ZNF676: variants seen among roughly 807,000 people sequenced by gnomAD.
The protein encoded by ZNF676 is zinc finger protein 676.
ZNF676 carries 4 observed loss-of-function variants against 6.0 expected under a neutral mutation model. The observed-to-expected ratio is 0.67, with a 90% confidence interval of 0.33 to 1.53. ZNF676 has a LOEUF of 1.53. ZNF676 is among the 40% of genes most tolerant of loss of function. ZNF676 has a pLI of 0.06. For synonymous variants in ZNF676, 198 were observed against 223.1 expected (o/e 0.89, Z 1.00); for missense variants, 644 against 679.7 (o/e 0.95, Z 0.58).
upstream of ZNF676, among the ~76,000 whole-genome samples, chr19:22,197,279 T>C (rs945796213): frequency 1.3e-5 from 2 of 150,888 alleles, no homozygotes; most frequent in African/African-American, 4.9e-5. Flanking sequence ...CCAAGATTCA[T>C]TGCACTCTAG....
chr19:22,182,563 C>A (rs1169313271), intron 2 of ZNF676, among the ~76,000 whole-genome samples: 2 of 51,188 alleles, frequency 3.9e-5, no homozygotes, highest in East Asian at 6.2e-4. Flanking sequence ...TAGAAGAGAA[C>A]AGTGTGATAT....
chr19:22,206,815 T>A (rs2024081054), intron 1 of ZNF676, among the ~76,000 whole-genome samples: 1 of 152,200 alleles, frequency 6.6e-6, no homozygotes, highest in Non-Finnish European at 1.5e-5. Flanking sequence ...TAAATGTGAT[T>A]CATCACATAA....
rs372760979 is a variant in ZNF676 at position 22,215,497 on chromosome 19, G to A, written c.3+135C>T. 2.5e-3 allele frequency: 2,508 copies of A among 1,007,520 alleles called. 16 individuals carry two copies. The highest frequency in any genetic ancestry group is 0.013 in the South Asian group (887 of 70,448). 62.4% of individuals were successfully genotyped at this position (1,007,520 alleles called of 1,614,324 possible). On this transcript the variant is annotated intron_variant, in intron 1 of 3. Coordinates refer to the ZNF676 transcript ENST00000650058. ...CGCAGCCGCCATCTTATGGCTGAAGGGGACTGAGGTCGAGCTAGGCAAGGA... is the reference window on the plus strand; with the variant it reads ...CGCAGCCGCCATCTTATGGCTGAAGAGGACTGAGGTCGAGCTAGGCAAGGA...
At chr19:22,183,825 T>C (rs1308463999) in intron 2 of ZNF676, among the ~76,000 whole-genome samples, 1 of 152,140 alleles carries the variant, frequency 6.6e-6, no homozygotes, top group Non-Finnish European at 1.5e-5. Context: ...AGACTCATAT[T>C]TTATAAAATG....
chr19:22,253,807 G>C, the ZNF676 span, among the ~76,000 whole-genome samples: 1 of 151,950 alleles, frequency 6.6e-6, no homozygotes, highest in Non-Finnish European at 1.5e-5. Flanking sequence ...AACAGTTGGT[G>C]GTATGTGCAT....
the ZNF676 span, among the ~76,000 whole-genome samples, chr19:22,232,960 GA>G: frequency 2.3e-3 from 355 of 152,168 alleles, 2 homozygotes; most frequent in African/African-American, 8.2e-3. Context: ...GGAATCTAAT[GA>G]GACAATAAAA....
In ZNF676 at chr19:22,181,708, G is replaced by T. The variant is rs1245126526; in HGVS notation, c.131-122C>A. ...CAAGACGACATTGCAATATGACACA[G>T]GCCCTAATTCTTCATAGATATATAA... On this transcript the variant is annotated intron_variant, in intron 2 of 2. Coordinates refer to ENST00000397121, the MANE Select transcript of ZNF676 (RefSeq NM_001001411.3). 5 of 692,398 alleles carry T rather than the reference G, an allele frequency of 7.2e-6. No homozygotes were observed. In the East Asian group the frequency reaches 1.1e-4, roughly 15 times the overall value. 42.9% of individuals were successfully genotyped at this position (692,398 alleles called of 1,614,324 possible).
At chr19:22,219,930 C>T (rs2024230765), upstream of ZNF676, among the ~76,000 whole-genome samples, 1 of 152,174 alleles carries the variant, frequency 6.6e-6, no homozygotes, top group Admixed American at 6.6e-5. Context: ...GCTGGGATTA[C>T]AGGCATGAGC....
At chr19:22,184,140 A>G (rs1233211145) in intron 2 of ZNF676, among the ~76,000 whole-genome samples, 2 of 152,172 alleles carry the variant, frequency 1.3e-5, no homozygotes, top group African/African-American at 4.8e-5. Flanking sequence ...TGGTTTCTGC[A>G]TTTCCAACTG....
chr19:22,252,168 G>GT, the ZNF676 span, among the ~76,000 whole-genome samples: 4 of 152,116 alleles, frequency 2.6e-5, no homozygotes, highest in Non-Finnish European at 5.9e-5. Flanking sequence ...GCCAAAGCAG[G>GT]TGGATTGCCT....
At chr19:22,211,181 AGACACT>A (rs1400220998) in intron 1 of ZNF676, among the ~76,000 whole-genome samples, 20 of 151,934 alleles carry the variant, frequency 1.3e-4, no homozygotes, top group Non-Finnish European at 2.9e-5. Context: ...ATCTTCAATA[AGACACT>A]CCCAAACCCC....
rs568421167 is a variant in ZNF676 at position 22,180,670 on chromosome 19, G to A, written c.1047C>T (p.Ser349=). 43 of 1,610,998 alleles carry A rather than the reference G, an allele frequency of 2.7e-5. No individual in the cohort carries two copies. The highest frequency in any genetic ancestry group is 2.5e-4 in the Admixed American group (15 of 59,788). The part of the protein sequence containing the change: ...CEECGKAFNR[S]SILTKHKIIH... ...TAATCTTATGTTTAGTAAGGATTGAGGATCGATTAAAAGCTTTCCCGCATT... is the reference window on the plus strand; with the variant it reads ...TAATCTTATGTTTAGTAAGGATTGAAGATCGATTAAAAGCTTTCCCGCATT... The change falls in exon 3 of 3, where the codon TCC becomes TCT. Residue 349 remains serine (S), a synonymous_variant. Transcript: ENST00000397121.
At chr19:22,215,790 C>T, upstream of ZNF676, 2 of 759,984 alleles carry the variant, frequency 2.6e-6, no homozygotes, top group South Asian at 1.8e-5. Flanking sequence ...TCCCGGAAGC[C>T]GACCTGTCCC....
exon 1 of ZNF676, chr19:22,215,677 C>T (rs899100277): frequency 1.2e-6 from 2 of 1,605,616 alleles, no homozygotes; most frequent in Non-Finnish European, 1.7e-6. Flanking sequence ...TTGTGGATCT[C>T]CCAATACCTG....
chr19:22,182,137 G>A (rs2023764430), intron 2 of ZNF676, among the ~76,000 whole-genome samples: 3 of 151,866 alleles, frequency 2.0e-5, no homozygotes, highest in Admixed American at 2.0e-4. Context: ...AGAGAGTACA[G>A]GTGTACCAAG....
chr19:22,250,865 C>A, the ZNF676 span, among the ~76,000 whole-genome samples: 4 of 152,124 alleles, frequency 2.6e-5, no homozygotes, highest in Admixed American at 2.0e-4. Context: ...GTGCATGCCA[C>A]GACACCCAGC....
the ZNF676 span, among the ~76,000 whole-genome samples, chr19:22,236,032 C>T: frequency 6.6e-6 from 1 of 151,204 alleles, no homozygotes; most frequent in African/African-American, 2.4e-5. Flanking sequence ...CTGTCTTCTG[C>T]CAAATGAAAG....
chr19:22,181,707 A>G (rs1461963427), intron 2 of ZNF676, 121 bp from the exon 3 acceptor site: 4 of 700,904 alleles, frequency 5.7e-6, no homozygotes, highest in Non-Finnish European at 8.9e-6. Flanking sequence ...AATATGACAC[A>G]GGCCCTAATT....
intron 1 of ZNF676, among the ~76,000 whole-genome samples, chr19:22,206,722 G>A (rs768442598): frequency 6.7e-6 from 1 of 150,362 alleles, no homozygotes; most frequent in African/African-American, 2.4e-5. Flanking sequence ...ACCAAATCCA[G>A]CAGCATATCA....
Sources: gnomAD v4.1 joint callset for allele counts (sites outside exome capture counted in the v4.1 genomes callset) on GRCh38, gnomAD v4.1.1 for gene constraint, MANE v1.5 for transcripts, NCBI Gene and HGNC (gene_info 2026-07-23, HGNC 2026-07-21) for gene names.